The following CAMTA1 variants were observed in gnomAD, a reference collection of about 807,000 sequenced individuals.
CAMTA1 encodes the protein calmodulin binding transcription activator 1, also known as calmodulin-binding transcription activator 1.
Under a neutral mutation model 170.9 loss-of-function variants are expected in CAMTA1, and 27 were observed. The ratio of observed to expected loss-of-function variants is 0.16; its 90% confidence interval spans 0.12 to 0.22. The LOEUF (loss-of-function observed/expected upper bound fraction) is 0.22. Among genes scored for constraint, CAMTA1 ranks in the 10% least tolerant of loss-of-function variants. CAMTA1 has a pLI of 1.00. For synonymous variants in CAMTA1, 833 were observed against 891.5 expected, an observed-to-expected ratio of 0.93 and a Z score of 1.17; for missense variants, 1,619 against 2,217.2, an observed-to-expected ratio of 0.73 and a Z score of 5.42.
At chr1:7,679,259 T>C (rs952980150) in intron 11 of CAMTA1, among the ~76,000 whole-genome samples, 5 of 152,078 alleles carry the variant, frequency 3.3e-5, no homozygotes, top group Non-Finnish European at 5.9e-5. Context: ...TCTCCCTGAG[T>C]GACTTGGCCG....
At chr1:7,603,703 G>A (rs998653004) in intron 6 of CAMTA1, among the ~76,000 whole-genome samples, 10 of 152,146 alleles carry the variant, frequency 6.6e-5, no homozygotes, top group African/African-American at 2.2e-4. Flanking sequence ...ATATTATTAT[G>A]TGTGAATTTG....
chr1:7,008,148 C>G (rs546280989), intron 3 of CAMTA1, among the ~76,000 whole-genome samples: 1 of 152,132 alleles, frequency 6.6e-6, no homozygotes, highest in Non-Finnish European at 1.5e-5. Flanking sequence ...AGGTGGAGCT[C>G]GGTTTTCCGT....
chr1:7,264,671 G>A (rs369692406), intron 5 of CAMTA1, among the ~76,000 whole-genome samples: 7 of 152,074 alleles, frequency 4.6e-5, no homozygotes, highest in South Asian at 2.1e-4. Flanking sequence ...TAGAAAATGC[G>A]GCAGCGTTAG....
intron 4 of CAMTA1, among the ~76,000 whole-genome samples, chr1:7,200,172 T>C (rs1420867498): frequency 6.6e-6 from 1 of 152,246 alleles, no homozygotes; most frequent in African/African-American, 2.4e-5. Flanking sequence ...TATGTGGGTG[T>C]GTGTATATAT....
intron 5 of CAMTA1, among the ~76,000 whole-genome samples, chr1:7,464,346 T>A (rs932912351): frequency 2.0e-5 from 3 of 152,172 alleles, no homozygotes; most frequent in Non-Finnish European, 2.9e-5. Flanking sequence ...GAGAGCCTGA[T>A]CAAAAAGCGC....
chr1:6,811,345 CT>C (rs1378418295), intron 1 of CAMTA1, among the ~76,000 whole-genome samples: 1 of 152,138 alleles, frequency 6.6e-6, no homozygotes, highest in Non-Finnish European at 1.5e-5. Flanking sequence ...TCCTTAATAA[CT>C]TGGGTTCATT....
chr1:7,734,189 C>T (rs1577278396), intron 12 of CAMTA1, among the ~76,000 whole-genome samples: 2 of 152,144 alleles, frequency 1.3e-5, no homozygotes, highest in South Asian at 4.1e-4. Context: ...TCAGGTGATC[C>T]GCCTGCCTCG....
intron 3 of CAMTA1, among the ~76,000 whole-genome samples, chr1:6,889,556 G>T (rs757372727): frequency 1.3e-5 from 2 of 152,238 alleles, no homozygotes; most frequent in Admixed American, 6.5e-5. Flanking sequence ...AGTGTCTGCT[G>T]CTTGTCTTAC....
At chr1:6,794,899 G>GTT (rs1225397250) in intron 1 of CAMTA1, among the ~76,000 whole-genome samples, 4 of 135,674 alleles carry the variant, frequency 2.9e-5, no homozygotes, top group East Asian at 2.4e-4. Context: ...TGTTTTTTTT[G>GTT]TTTTTTTGTT....
Position 7,012,716 on chromosome 1 carries a change from G to A in CAMTA1, c.235-78588G>A, listed in dbSNP as rs1699981854. On this transcript the variant is annotated intron_variant, in intron 3 of 22. Coordinates refer to ENST00000303635, the MANE Select transcript of CAMTA1 (RefSeq NM_015215.4). ...ACTGGCTTCCTTTCCTCTCACCACTGGGGCTGCCCTTTCTCTTCCTCAGTT... is the reference window on the plus strand; with the variant it reads ...ACTGGCTTCCTTTCCTCTCACCACTAGGGCTGCCCTTTCTCTTCCTCAGTT... Among the ~76,000 whole-genome samples the A allele has an allele frequency of 2.0e-5, 3 of 152,056 alleles. 1 individual carries two copies. The South Asian group carries it at 6.2e-4, about 32-fold the overall frequency.
At chr1:7,198,459 C>T (rs906309118) in intron 4 of CAMTA1, among the ~76,000 whole-genome samples, 7 of 152,010 alleles carry the variant, frequency 4.6e-5, no homozygotes, top group Non-Finnish European at 8.8e-5. Flanking sequence ...TCCTGTGGAC[C>T]GTGTTTGCTG....
intron 3 of CAMTA1, among the ~76,000 whole-genome samples, chr1:7,006,591 A>T (rs760370369): frequency 2.6e-5 from 4 of 152,218 alleles, no homozygotes; most frequent in Non-Finnish European, 5.9e-5. Context: ...GGCCAGCTGG[A>T]GAACCCAGTT....
At chr1:7,289,862 A>G (rs1225278940) in intron 5 of CAMTA1, among the ~76,000 whole-genome samples, 1 of 152,158 alleles carries the variant, frequency 6.6e-6, no homozygotes, top group East Asian at 1.9e-4. Context: ...TCCTCCCCAG[A>G]GCCTTCAGAG....
chr1:7,209,279 C>A (rs1658329909), intron 4 of CAMTA1, among the ~76,000 whole-genome samples: 1 of 152,164 alleles, frequency 6.6e-6, no homozygotes, highest in African/African-American at 2.4e-5. Context: ...TAGGATTAGT[C>A]ACTGTGTTAA....
At chr1:7,542,504 C>A (rs147539405) in intron 6 of CAMTA1, among the ~76,000 whole-genome samples, 1 of 152,002 alleles carries the variant, frequency 6.6e-6, no homozygotes, top group East Asian at 1.9e-4. Context: ...GGCGTGATCT[C>A]GGCTCACTGC....
chr1:7,647,439 G>C (rs1242529219), intron 7 of CAMTA1, among the ~76,000 whole-genome samples: 1 of 152,120 alleles, frequency 6.6e-6, no homozygotes, highest in Non-Finnish European at 1.5e-5. Context: ...CAGCGGCCCC[G>C]CTCGGAGATG....
At chr1:7,215,030 A>G (rs1282267062) in intron 4 of CAMTA1, among the ~76,000 whole-genome samples, 2 of 152,046 alleles carry the variant, frequency 1.3e-5, no homozygotes, top group African/African-American at 2.4e-5. Context: ...TTATGTGTCA[A>G]TTCCTTTGCT....
In CAMTA1 at chr1:7,599,921, A is replaced by G. The variant is rs547996815; in HGVS notation, c.511-40479A>G. 4.1e-3 allele frequency among the ~76,000 whole-genome samples: 626 copies of G among 152,310 alleles called. 3 individuals carry two copies. Among genetic ancestry groups the G allele is most frequent in the Non-Finnish European group, 7.0e-3 (476 of 68,038 alleles). ...TTTGACTTCCTCTTTTCCTAATTGA[A>G]TACCCTTTATTTCCTTCTCCTGCCT... is the stretch of plus-strand genomic sequence containing the variant. On this transcript the variant is annotated intron_variant, in intron 6 of 22. Coordinates refer to ENST00000303635, the MANE Select transcript of CAMTA1 (RefSeq NM_015215.4).
chr1:7,391,934 C>T (rs1342065825), intron 5 of CAMTA1, among the ~76,000 whole-genome samples: 14 of 152,090 alleles, frequency 9.2e-5, no homozygotes, highest in Admixed American at 9.2e-4. Flanking sequence ...TGGGCTGTTT[C>T]CAGTTGACAT....
Sources: gnomAD v4.1 joint callset for allele counts (sites outside exome capture counted in the v4.1 genomes callset) on GRCh38, gnomAD v4.1.1 for gene constraint, MANE v1.5 for transcripts, NCBI Gene and HGNC (gene_info 2026-07-23, HGNC 2026-07-21) for gene names.